The following FRZB variants were observed in gnomAD, a reference collection of about 807,000 sequenced individuals.
FRZB encodes secreted frizzled-related protein 3.
A neutral mutation model predicts 32.5 loss-of-function variants in FRZB; 34 were observed. The observed-to-expected ratio is 1.05, with a 90% CI of 0.80 to 1.39. The LOEUF (loss-of-function observed/expected upper bound fraction) is 1.39, where lower values mean the gene tolerates loss of function less well. FRZB is among the 40% of genes most tolerant of loss of function. The pLI, the probability that FRZB is intolerant of heterozygous loss-of-function variation, is 0.00. For synonymous variants in FRZB, 170 were observed against 159.2 expected, an observed-to-expected ratio of 1.07 and a Z score of -0.51; for missense variants, 423 against 424.8, an observed-to-expected ratio of 1.00 and a Z score of 0.04.
At chr2:182,849,350 CTT>C (rs1397046967) in intron 2 of FRZB, among the ~76,000 whole-genome samples, 3 of 152,030 alleles carry the variant, frequency 2.0e-5, no homozygotes, top group Admixed American at 6.5e-5. Flanking sequence ...GCAGCATACA[CTT>C]AAGATTTGTA....
At chr2:182,838,362 G>T in intron 4 of FRZB, 47 bp downstream of exon 4, 1 of 1,465,564 alleles carries the variant, frequency 6.8e-7, no homozygotes, top group Non-Finnish European at 9.5e-7. Flanking sequence ...TTTAATGAGA[G>T]TAGGATAAGC....
intron 2 of FRZB, among the ~76,000 whole-genome samples, chr2:182,845,841 C>T (rs1695633502): frequency 6.6e-6 from 1 of 152,190 alleles, no homozygotes; most frequent in African/African-American, 2.4e-5. Flanking sequence ...CTAATGATCT[C>T]CTACATATCT....
At chr2:182,838,047 T>C (rs761765889) in intron 4 of FRZB, 36 bp from the exon 5 acceptor site, 2 of 1,517,120 alleles carry the variant, frequency 1.3e-6, no homozygotes, top group South Asian at 1.1e-5. Flanking sequence ...TTTTGAAAAA[T>C]TAAAACCTGT....
chr2:182,849,997 G>C (rs535181906), intron 2 of FRZB, among the ~76,000 whole-genome samples: 2 of 152,300 alleles, frequency 1.3e-5, no homozygotes, highest in Non-Finnish European at 2.9e-5. Context: ...TCAATGCCAA[G>C]TATTGAAAAG....
rs1695893431 is a variant in FRZB at position 182,866,419 on chromosome 2, G to A, written c.134C>T (p.Ser45Phe). 2.5e-6 allele frequency: 4 copies of A among 1,607,644 alleles called. No homozygotes were observed. The highest frequency in any genetic ancestry group is 3.4e-6 in the Non-Finnish European group (4 of 1,176,126). The change falls in exon 1 of 6, where the codon TCC (serine) becomes TTC (phenylalanine). Residue 45 changes from serine to phenylalanine, a missense_variant. Coordinates refer to ENST00000295113, the MANE Select transcript of FRZB (RefSeq NM_001463.4). This position sits in a 1 kb window ranked among gnomAD's most constrained non-coding sequence, Gnocchi z 4.5. ...CEPVRIPLCK[S>F]LPWNMTKMPN... is the part of the protein sequence containing the mutation. ...CATCTTAGTCATGTTCCAGGGCAGG[G>A]ACTTGCACAGGGGGATGCGGACGGG...
In FRZB at chr2:182,842,200, T is replaced by A. The variant is rs148346997; in HGVS notation, c.592+278A>T. Among the ~76,000 whole-genome samples, 891 of 152,312 alleles carry A rather than the reference T, an allele frequency of 5.8e-3. 17 individuals carry two copies. The highest frequency in any genetic ancestry group is 0.02 in the African/African-American group (841 of 41,586). On this transcript the variant is annotated intron_variant, in intron 3 of 5. Transcript: ENST00000295113. ...AGCCTCCAGGCAGGGAAGAGTCCCA[T>A]GTATCTTGATACTTATCTCTGTGTA...
At chr2:182,843,259 T>C (rs1352481022) in intron 2 of FRZB, among the ~76,000 whole-genome samples, 2 of 152,168 alleles carry the variant, frequency 1.3e-5, no homozygotes, top group Non-Finnish European at 2.9e-5. Flanking sequence ...GGAGTTGTGG[T>C]TTTGGCCATC....
chr2:182,835,935 A>T lies in FRZB; in HGVS notation c.862-970T>A, dbSNP rs535087557. ...CTTGAACTTACTAGACCTCATTTTC[A>T]TCATGTATATGTTGGAACTGATAAT... On this transcript the variant is annotated intron_variant, in intron 5 of 5. Transcript: ENST00000295113. Among the ~76,000 whole-genome samples the T allele has an allele frequency of 2.2e-3, 332 of 152,176 alleles. 2 individuals are homozygous for T. Among genetic ancestry groups the T allele is most frequent in the African/African-American group, 7.8e-3 (325 of 41,544 alleles).
chr2:182,847,024 A>G (rs1034848892), intron 2 of FRZB, among the ~76,000 whole-genome samples: 1 of 152,212 alleles, frequency 6.6e-6, no homozygotes, highest in Non-Finnish European at 1.5e-5. Context: ...GAATTCATTC[A>G]TTCTGCAAAT....
In FRZB at chr2:182,866,102, C is replaced by G. The variant is rs780790591; in HGVS notation, c.451G>C (p.Glu151Gln). The change falls in exon 1 of 6, where the codon GAG (glutamate) becomes CAG (glutamine). Residue 151 changes from glutamate to glutamine, a missense_variant. By Grantham distance (29) the Glu-to-Gln change is conservative. Coordinates refer to ENST00000295113, the MANE Select transcript of FRZB (RefSeq NM_001463.4). The surrounding 1 kb of genome is among the most constrained non-coding windows in gnomAD (Gnocchi z 4.5). ...VYDRGVCISPEAIVTADGADF... is the reference protein window; with the variant it reads ...VYDRGVCISPQAIVTADGADF... The stretch of plus-strand genomic sequence containing the variant: ...GCTCCGTCCGCAGTAACGATGGCCT[C>G]GGGAGAGATGCACACGCCCCTGTCG... The G allele has an allele frequency of 2.5e-6, 4 of 1,613,354 alleles. No individual in the cohort carries two copies. The highest frequency in any genetic ancestry group is 1.7e-4 in the Middle Eastern group (1 of 6,054).
At chr2:182,846,801 G>A (rs916239113) in intron 2 of FRZB, among the ~76,000 whole-genome samples, 1 of 152,086 alleles carries the variant, frequency 6.6e-6, no homozygotes, top group Non-Finnish European at 1.5e-5. Flanking sequence ...CTGCCTGTAC[G>A]AGGTATCTAT....
chr2:182,857,804 T>C (rs1404878686), intron 2 of FRZB, among the ~76,000 whole-genome samples: 1 of 151,928 alleles, frequency 6.6e-6, no homozygotes, highest in Non-Finnish European at 1.5e-5. Flanking sequence ...TAAAGAACCC[T>C]CAGAACTCAT....
chr2:182,840,770 T>C (rs1695578351), intron 3 of FRZB, among the ~76,000 whole-genome samples: 1 of 152,084 alleles, frequency 6.6e-6, no homozygotes, highest in African/African-American at 2.4e-5. Context: ...TTATAATCCA[T>C]ATCCCATTTT....
chr2:182,855,288 C>T (rs1364172631), intron 2 of FRZB, among the ~76,000 whole-genome samples: 1 of 152,122 alleles, frequency 6.6e-6, no homozygotes, highest in Non-Finnish European at 1.5e-5. Context: ...AATTACTCTA[C>T]ACATGAAGAT....
rs143323619 is a variant in FRZB at position 182,842,154 on chromosome 2, C to A, written c.592+324G>T. On this transcript the variant is annotated intron_variant, in intron 3 of 5. Transcript: ENST00000295113. ...ACAACTGATGGCCTATGCAACCCAA[C>A]TTGAGCTCAAATCCTCCTTCAGCCT... is the stretch of plus-strand genomic sequence containing the variant. 9.2e-5 allele frequency among the ~76,000 whole-genome samples: 14 copies of A among 152,278 alleles called. No homozygotes were observed. The East Asian group carries it at 2.7e-3, about 29-fold the overall frequency.
intron 2 of FRZB, among the ~76,000 whole-genome samples, chr2:182,847,620 G>A (rs288248): frequency 0.65 from 98,799 of 152,064 alleles, 32,542 homozygotes; most frequent in African/African-American, 0.68. Context: ...TGACAAGTTT[G>A]TAAATTGGTT....
intron 1 of FRZB, among the ~76,000 whole-genome samples, chr2:182,861,292 A>T (rs1695828969): frequency 1.3e-5 from 2 of 152,230 alleles, no homozygotes; most frequent in African/African-American, 4.8e-5. Context: ...TCTTTTTCTT[A>T]CTAGCTCTGC....
chr2:182,858,970 A>T, intron 1 of FRZB, 137 bp from the exon 2 acceptor site: 1 of 693,900 alleles, frequency 1.4e-6, no homozygotes, highest in Non-Finnish European at 2.5e-6. Flanking sequence ...TATTAACGTC[A>T]TGAGGTCGGC....
chr2:182,858,967 G>A (rs573549835), intron 1 of FRZB, 134 bp from the exon 2 acceptor site: 24 of 701,360 alleles, frequency 3.4e-5, no homozygotes, highest in African/African-American at 7.0e-5. Context: ...TTTTATTAAC[G>A]TCATGAGGTC....
Sources: gnomAD v4.1 joint callset for allele counts (sites outside exome capture counted in the v4.1 genomes callset) on GRCh38, gnomAD v4.1.1 for gene constraint, Gnocchi (gnomAD v3.1) non-coding constraint, MANE v1.5 for transcripts, NCBI Gene and HGNC (gene_info 2026-07-23, HGNC 2026-07-21) for gene names.